The following GNL2 variants were observed in gnomAD, a reference collection of about 807,000 sequenced individuals.
GNL2 encodes the protein G protein nucleolar 2, also known as nucleolar GTP-binding protein 2.
Under a neutral mutation model 92.3 loss-of-function variants are expected in GNL2, and 51 were observed. The observed-to-expected ratio is 0.55, with a 90% CI of 0.44 to 0.70. The LOEUF (loss-of-function observed/expected upper bound fraction) is 0.70, where lower values mean the gene tolerates loss of function less well. Ranked by LOEUF, GNL2 falls within the 30% of genes least tolerant of loss-of-function variation. The pLI is 0.00. For missense variants in GNL2, 844 were observed against 895.6 expected, an observed-to-expected ratio of 0.94 and a Z score of 0.74; for synonymous variants, 283 against 300.6, an observed-to-expected ratio of 0.94 and a Z score of 0.61.
intron 12 of GNL2, among the ~76,000 whole-genome samples, chr1:37,572,009 G>C (rs987033118): frequency 6.6e-6 from 1 of 151,960 alleles, no homozygotes; most frequent in East Asian, 1.9e-4. Context: ...TCCTGCCCCA[G>C]CTGCTCTGGA....
At chr1:37,568,136 CTA>C in intron 14 of GNL2, 137 bp downstream of exon 14, 2 of 631,918 alleles carry the variant, frequency 3.2e-6, no homozygotes, top group East Asian at 2.7e-5. Context: ...TTGCATAACA[CTA>C]TGTAAATTTA....
intron 5 of GNL2, among the ~76,000 whole-genome samples, chr1:37,584,502 T>TACAAC (rs1643822108): frequency 6.7e-6 from 1 of 149,762 alleles, no homozygotes; most frequent in Non-Finnish European, 1.5e-5. Context: ...TGACACCTGC[T>TACAAC]ACAACACGAA....
intron 9 of GNL2, chr1:37,576,131 T>A: frequency 2.9e-6 from 1 of 339,922 alleles, no homozygotes; most frequent in Non-Finnish European, 5.4e-6. Context: ...CATCAAATAT[T>A]CTTGGGTTAG....
intron 8 of GNL2, 147 bp downstream of exon 8, chr1:37,582,076 T>G: frequency 1.8e-6 from 1 of 551,682 alleles, no homozygotes; most frequent in Non-Finnish European, 3.2e-6. Context: ...TCCTCCTGCC[T>G]CAGCGTCCTG....
chr1:37,568,372 C>G lies in GNL2; in HGVS notation c.1869-15G>C, dbSNP rs1643540583. 1 of 1,549,444 alleles carries G rather than the reference C, an allele frequency of 6.5e-7. No individual in the cohort carries two copies. The highest frequency in any genetic ancestry group is 1.4e-5 in the African/African-American group (1 of 73,692). ...CCTTGGATATTCTGAAACAGAAAAGCAAAGTAACATTCCTCCTCTCACTCG... is the reference window on the plus strand; with the variant it reads ...CCTTGGATATTCTGAAACAGAAAAGGAAAGTAACATTCCTCCTCTCACTCG... On this transcript the variant is annotated splice_polypyrimidine_tract_variant and intron_variant, in intron 13 of 15. Coordinates refer to ENST00000373062, the MANE Select transcript of GNL2 (RefSeq NM_013285.3).
chr1:37,576,599 ATAT>A, intron 8 of GNL2, 43 bp from the exon 9 acceptor site: 2 of 1,593,648 alleles, frequency 1.3e-6, no homozygotes, highest in Non-Finnish European at 1.7e-6. Flanking sequence ...GCAGTCATAT[ATAT>A]CCCTTTGGAC....
rs1405361018 is a variant in GNL2 at position 37,568,346 on chromosome 1, C to G, written c.1880G>C (p.Gly627Ala). The G allele has an allele frequency of 5.6e-6, 9 of 1,605,902 alleles. No homozygotes were observed. The highest frequency in any genetic ancestry group is 2.2e-5 in the East Asian group (1 of 44,852). The change falls in exon 14 of 16, where the codon GGA (glycine) becomes GCA (alanine). Residue 627 changes from glycine to alanine, a missense_variant. Physicochemically the swap from Gly to Ala is moderately conservative, Grantham distance 60. Coordinates refer to ENST00000373062, the MANE Select transcript of GNL2 (RefSeq NM_013285.3). ...KKFSAVRISK[G>A]LSEKIFAKPE... Reference sequence around the variant, plus strand: ...TTTTGCAAATATCTTTTCACTCAGTCCCTTGGATATTCTGAAACAGAAAAG... The same window carrying G: ...TTTTGCAAATATCTTTTCACTCAGTGCCTTGGATATTCTGAAACAGAAAAG...
At chr1:37,591,077 G>A (rs1643884953) in intron 3 of GNL2, among the ~76,000 whole-genome samples, 1 of 152,124 alleles carries the variant, frequency 6.6e-6, no homozygotes, top group South Asian at 2.1e-4. Flanking sequence ...GGTTTCAATA[G>A]TTTTCCAAGT....
chr1:37,575,544 A>G lies in GNL2; in HGVS notation c.1143+51T>C. 1 of 1,141,898 alleles carries G rather than the reference A, an allele frequency of 8.8e-7. No individual in the cohort carries two copies. The highest frequency in any genetic ancestry group is 1.3e-6 in the Non-Finnish European group (1 of 797,328). The allele number at this position is 1,141,898 out of a possible 1,614,324, so 70.7% of individuals were successfully genotyped here. On this transcript the variant is annotated intron_variant, in intron 10 of 15. Coordinates refer to ENST00000373062, the MANE Select transcript of GNL2 (RefSeq NM_013285.3). This position sits in a 1 kb window ranked among gnomAD's most constrained non-coding sequence, Gnocchi z 4.1. The stretch of plus-strand genomic sequence containing the variant: ...AAAGGAAAGGTATCCAGGGTTCCCT[A>G]TAGAACACTCCCCCGCAAACACAAA...
At chr1:37,593,038 T>C (rs1385926376) in intron 2 of GNL2, among the ~76,000 whole-genome samples, 1 of 152,100 alleles carries the variant, frequency 6.6e-6, no homozygotes, top group African/African-American at 2.4e-5. Flanking sequence ...GAATAACAAC[T>C]AATGGTGACG....
At chr1:37,576,832 C>T (rs769244321) in intron 8 of GNL2, among the ~76,000 whole-genome samples, 1 of 152,196 alleles carries the variant, frequency 6.6e-6, no homozygotes, top group Non-Finnish European at 1.5e-5. Flanking sequence ...TAAAAGAAGG[C>T]TCGGCACAGT....
At chr1:37,588,477 G>A (rs1643869605) in intron 4 of GNL2, among the ~76,000 whole-genome samples, 1 of 152,058 alleles carries the variant, frequency 6.6e-6, no homozygotes, top group Admixed American at 6.6e-5. Context: ...TAGTCACTAC[G>A]TTCCACTCGG....
Position 37,568,122 on chromosome 1 carries a change from C to A in GNL2, c.1951+153G>T. On this transcript the variant is annotated intron_variant, in intron 14 of 15. Coordinates refer to ENST00000373062, the MANE Select transcript of GNL2 (RefSeq NM_013285.3). ...TGTGCAGAATGAAAAGCAGATAATT[C>A]AATTTGCATAACACTATGTAAATTT... is the stretch of plus-strand genomic sequence containing the variant. The A allele has an allele frequency of 4.9e-6, 3 of 610,162 alleles. No homozygotes were observed. The South Asian group carries it at 6.4e-5, about 13-fold the overall frequency. 37.8% of individuals were successfully genotyped at this position (610,162 alleles called of 1,614,324 possible).
Position 37,567,782 on chromosome 1 carries a change from A to G in GNL2, c.1952-18T>C. The stretch of plus-strand genomic sequence containing the variant: ...GGAAGGTGCTGGATACAAACAATAC[A>G]CAAACAGGAATTTTCTATTGAAAAT... On this transcript the variant is annotated intron_variant, in intron 14 of 15. Transcript: ENST00000373062. 1 of 1,583,824 alleles carries G rather than the reference A, an allele frequency of 6.3e-7. No individual in the cohort carries two copies. Among genetic ancestry groups the G allele is most frequent in the Non-Finnish European group, 8.7e-7 (1 of 1,152,660 alleles).
rs1307322417 is a variant in GNL2, at chr1:37,574,426, T to A, written c.1333A>T (p.Lys445Ter). 6.2e-7 allele frequency: 1 copy of A among 1,614,092 alleles called. No individual in the cohort carries two copies. The highest frequency in any genetic ancestry group is 1.7e-5 in the Admixed American group (1 of 60,016). ...GGEPDLQTVG[K>*]MVLNDWQRGR... The stretch of plus-strand genomic sequence containing the variant: ...CTCTGCCAGTCATTGAGGACCATCT[T>A]ACCCACAGTCTGCAAGTCGGGCTCT... The change falls in exon 12 of 16, where the codon AAG becomes TAG. Residue 445 changes from lysine to a stop codon, truncating the protein, a stop_gained. Coordinates refer to ENST00000373062, the MANE Select transcript of GNL2 (RefSeq NM_013285.3). LOFTEE classifies it high-confidence loss of function.
At position 37,583,934 on chromosome 1, in the gene GNL2, CTAAA is replaced by C; in HGVS notation, c.570-5_570-2del. The C allele has an allele frequency of 6.5e-7, 1 of 1,550,308 alleles. No individual in the cohort carries two copies. The highest frequency in any genetic ancestry group is 1.7e-4 in the Middle Eastern group (1 of 5,924). On this transcript the variant is annotated splice_acceptor_variant and splice_polypyrimidine_tract_variant and intron_variant, in intron 5 of 15. Coordinates refer to ENST00000373062, the MANE Select transcript of GNL2 (RefSeq NM_013285.3). LOFTEE classifies it high-confidence loss of function. ...ATAGATCTCTTCTTGAGCTTCATTT[CTAAA>C]TAAGAAAGCACCCCAAATGAGCAAC... is the stretch of plus-strand genomic sequence containing the variant.
chr1:37,572,114 G>C (rs1294017225), intron 12 of GNL2, among the ~76,000 whole-genome samples: 1 of 152,076 alleles, frequency 6.6e-6, no homozygotes, highest in Admixed American at 6.5e-5. Context: ...TGCCTCAGAG[G>C]CCTTCCCCGA....
At chr1:37,582,653 T>C (rs1643789273) in intron 7 of GNL2, 125 bp downstream of exon 7, 7 of 828,088 alleles carry the variant, frequency 8.5e-6, no homozygotes, top group African/African-American at 3.4e-5. Flanking sequence ...CACACTTTCG[T>C]GTTTCCAATG....
At chr1:37,571,863 C>T (rs1009313345) in intron 12 of GNL2, among the ~76,000 whole-genome samples, 11 of 152,112 alleles carry the variant, frequency 7.2e-5, no homozygotes, top group Non-Finnish European at 1.2e-4. Flanking sequence ...AGCAGTGATA[C>T]GGACATCCAG....
Sources: allele counts gnomAD v4.1 joint callset (sites outside exome capture counted in the v4.1 genomes callset), GRCh38; gene constraint gnomAD v4.1.1; non-coding constraint Gnocchi (gnomAD v3.1); transcripts MANE v1.5; gene names NCBI Gene and HGNC (gene_info 2026-07-23, HGNC 2026-07-21).